Variants in ITGA4 observed in about 807,000 individuals in gnomAD.
ITGA4 encodes the protein integrin subunit alpha 4.
A neutral mutation model predicts 133.6 loss-of-function variants in ITGA4; 63 were observed. The observed-to-expected ratio is 0.47, with a 90% CI of 0.38 to 0.58. ITGA4 has a LOEUF of 0.58. Ranked by LOEUF, ITGA4 falls within the 20% of genes least tolerant of loss-of-function variation. The pLI is 0.00. For synonymous variants in ITGA4, 483 were observed against 438.0 expected (o/e 1.10, Z -1.28); for missense variants, 1,076 against 1,252.7 (o/e 0.86, Z 2.13).
At position 181,525,302 on chromosome 2, in the gene ITGA4, A is replaced by G; in HGVS notation, c.2339+11A>G. The stretch of plus-strand genomic sequence containing the variant: ...GCTGACTGTTCATGGGTAAGTAGAC[A>G]TAAAGGCTTCCTTTCAAATTTAGAG... On this transcript the variant is annotated intron_variant, in intron 21 of 27. Transcript: ENST00000397033. The G allele has an allele frequency of 4.3e-6, 6 of 1,404,706 alleles. No homozygotes were observed. The highest frequency in any genetic ancestry group is 5.0e-6 in the Non-Finnish European group (5 of 995,368). 87.0% of individuals were successfully genotyped at this position (1,404,706 alleles called of 1,614,324 possible). A position where few individuals can be genotyped will look rare whatever the true frequency, so the allele number is the denominator to read the frequency against.
Position 181,475,002 on chromosome 2 carries a change from A to G in ITGA4, c.362A>G (p.Glu121Gly), listed in dbSNP as rs1685641087. ...CCTTGTGGAAAGACTTGTTTGGAAGAGAGAGACAATCAGTGGTTGGGGGTC... is the reference window on the plus strand; with the variant it reads ...CCTTGTGGAAAGACTTGTTTGGAAGGGAGAGACAATCAGTGGTTGGGGGTC... ...GEPCGKTCLE[E>G]RDNQWLGVTL... The change falls in exon 3 of 28, where the codon GAG becomes GGG. Residue 121 changes from glutamate to glycine, a missense_variant. Coordinates refer to ENST00000397033, the MANE Select transcript of ITGA4 (RefSeq NM_000885.6). 3 of 1,614,120 alleles carry G rather than the reference A, an allele frequency of 1.9e-6. No homozygotes were observed. Among genetic ancestry groups the G allele is most frequent in the Non-Finnish European group, 2.5e-6 (3 of 1,179,968 alleles).
Position 181,466,078 on chromosome 2 carries a change from T to TA in ITGA4, c.319+7766dup, listed in dbSNP as rs550621921. ...GGGCACATTTTTCAGCTTTAGTTAT[T>TA]AAAAAGACTTGCGTACGTTTTCTGT... On this transcript the variant is annotated intron_variant, in intron 2 of 27. Coordinates refer to ENST00000397033, the MANE Select transcript of ITGA4 (RefSeq NM_000885.6). Among the ~76,000 whole-genome samples, 289 of 152,234 alleles carry TA rather than the reference T, an allele frequency of 1.9e-3. 3 individuals carry two copies. Among genetic ancestry groups the TA allele is most frequent in the African/African-American group, 6.6e-3 (273 of 41,546 alleles).
Position 181,474,999 on chromosome 2 carries a change from A to AAG in ITGA4, c.367_368dup (p.Asp123GlufsTer21). On this transcript the variant is annotated frameshift_variant, in exon 3 of 28. Coordinates refer to ENST00000397033, the MANE Select transcript of ITGA4 (RefSeq NM_000885.6). LOFTEE classifies it high-confidence loss of function. ...GAACCTTGTGGAAAGACTTGTTTGG[A>AAG]AGAGAGAGACAATCAGTGGTTGGGG... 6.2e-7 allele frequency: 1 copy of AAG among 1,614,042 alleles called. No homozygotes were observed. The highest frequency in any genetic ancestry group is 8.5e-7 in the Non-Finnish European group (1 of 1,179,940).
Position 181,495,418 on chromosome 2 carries a change from T to A in ITGA4, c.1385+2T>A, listed in dbSNP as rs777824542. ...GTCTGATTCTGCTGTCTTGCTAAGG[T>A]AAGACTGATATATTTCACTGCTTAA... On this transcript the variant is annotated splice_donor_variant, in intron 13 of 27. Coordinates refer to ENST00000397033, the MANE Select transcript of ITGA4 (RefSeq NM_000885.6). LOFTEE classifies it high-confidence loss of function. The surrounding 1 kb of genome is among the most constrained non-coding windows in gnomAD (Gnocchi z 4.3). 7 of 1,600,104 alleles carry A rather than the reference T, an allele frequency of 4.4e-6. No individual in the cohort carries two copies. In the South Asian group the frequency reaches 7.7e-5, roughly 18 times the overall value.
At chr2:181,482,198 G>A (rs1685819961) in intron 7 of ITGA4, among the ~76,000 whole-genome samples, 162 bp from the exon 8 acceptor site, 1 of 152,118 alleles carries the variant, frequency 6.6e-6, no homozygotes, top group Non-Finnish European at 1.5e-5. Context: ...TAATGTAACA[G>A]TGGATCCCAA....
chr2:181,525,199 T>TTTCCTCTTCATTTTC lies in ITGA4; in HGVS notation c.2250-3_2250-2insTTCCTCTTCATTTTC. On this transcript the variant is annotated splice_region_variant and splice_polypyrimidine_tract_variant and intron_variant, in intron 20 of 27. Transcript: ENST00000397033. ...TCTAACAGGGTGTTTTCTGTTTGTA[T>TTTCCTCTTCATTTTC]AGTGAAAATGAAGAGGAAATGGACA... The TTTCCTCTTCATTTTC allele has an allele frequency of 6.4e-7, 1 of 1,566,970 alleles. No homozygotes were observed. The highest frequency in any genetic ancestry group is 8.8e-7 in the Non-Finnish European group (1 of 1,138,144).
In ITGA4 at chr2:181,495,512, G is replaced by A. The variant is rs1686139654; in HGVS notation, c.1385+96G>A. The A allele has an allele frequency of 1.1e-6, 1 of 913,862 alleles. No homozygotes were observed. The highest frequency in any genetic ancestry group is 1.6e-5 in the African/African-American group (1 of 60,948). 56.6% of individuals were successfully genotyped at this position (913,862 alleles called of 1,614,324 possible). A position where few individuals can be genotyped will look rare whatever the true frequency, so the allele number is the denominator to read the frequency against. On this transcript the variant is annotated intron_variant, in intron 13 of 27. Coordinates refer to ENST00000397033, the MANE Select transcript of ITGA4 (RefSeq NM_000885.6). The surrounding 1 kb of genome is among the most constrained non-coding windows in gnomAD (Gnocchi z 4.3). ...AAATCAGCAGTGGTAGTGACCTCAT[G>A]ATGCTCTTTTGGTATTCTGAAGCTT...
At chr2:181,476,751 CTG>C (rs1559040704) in intron 4 of ITGA4, among the ~76,000 whole-genome samples, 1 of 152,096 alleles carries the variant, frequency 6.6e-6, no homozygotes, top group African/African-American at 2.4e-5. Flanking sequence ...GATAAAGAAA[CTG>C]TGATACATAC....
At chr2:181,482,754 TG>T (rs1375179971) in intron 9 of ITGA4, 103 bp downstream of exon 9, 1 of 1,087,200 alleles carries the variant, frequency 9.2e-7, no homozygotes, top group Non-Finnish European at 1.4e-6. Flanking sequence ...TTTCTTTTAT[TG>T]ACAAAAGTTA....
chr2:181,493,101 C>A, intron 10 of ITGA4: 1 of 410,054 alleles, frequency 2.4e-6, no homozygotes, highest in Non-Finnish European at 4.3e-6. Flanking sequence ...TGTTACACTG[C>A]CTCTCAGATG....
At chr2:181,478,861 A>C in intron 5 of ITGA4, 37 bp downstream of exon 5, 1 of 1,051,876 alleles carries the variant, frequency 9.5e-7, no homozygotes, top group South Asian at 2.2e-5. Context: ...AAATGTTTAC[A>C]TATAGAATCT....
intron 20 of ITGA4, 31 bp from the exon 21 acceptor site, chr2:181,525,171 A>T: frequency 7.9e-7 from 1 of 1,262,506 alleles, no homozygotes; most frequent in Non-Finnish European, 1.2e-6. Flanking sequence ...CTGCTTGGTG[A>T]ATTCTAACAG....
rs1319211839 is a variant in ITGA4 at position 181,489,887 on chromosome 2, A to G, written c.1154-3438A>G. ...CAAAACTCTTCGGACGCCGAGTTAA[A>G]GAAGGAAGGGGTTTATTTGGTGGGG... On this transcript the variant is annotated intron_variant, in intron 10 of 27. Transcript: ENST00000397033. 4.6e-5 allele frequency among the ~76,000 whole-genome samples: 7 copies of G among 152,284 alleles called. No individual in the cohort carries two copies. In the East Asian group the frequency reaches 1.4e-3, roughly 29 times the overall value.
intron 15 of ITGA4, among the ~76,000 whole-genome samples, chr2:181,506,019 T>TTC (rs1686385195): frequency 6.6e-6 from 1 of 152,082 alleles, no homozygotes; most frequent in African/African-American, 2.4e-5. Context: ...CGGTCAAAGT[T>TTC]TCATGTTGAG....
At chr2:181,461,805 A>G (rs1254181830) in intron 2 of ITGA4, among the ~76,000 whole-genome samples, 4 of 152,202 alleles carry the variant, frequency 2.6e-5, no homozygotes, top group Admixed American at 2.6e-4. Context: ...TACACTATCC[A>G]GTATAGTATC....
Position 181,523,247 on chromosome 2 carries a change from CATAT to C in ITGA4, c.2074-186_2074-183del, listed in dbSNP as rs533093060. The C allele has an allele frequency of 4.3e-5, 21 of 483,550 alleles. No homozygotes were observed. The highest frequency in any genetic ancestry group is 7.8e-5 in the African/African-American group (4 of 51,164). The allele number at this position is 483,550 out of a possible 1,614,324, so 30.0% of individuals were successfully genotyped here. ...ATATACATACATATATATACACATA[CATAT>C]ATACACACATGCACACATATTTATA... On this transcript the variant is annotated intron_variant, in intron 18 of 27. Coordinates refer to ENST00000397033, the MANE Select transcript of ITGA4 (RefSeq NM_000885.6). This position sits in a 1 kb window ranked among gnomAD's most constrained non-coding sequence, Gnocchi z 4.2.
intron 25 of ITGA4, 32 bp from the exon 26 acceptor site, chr2:181,534,240 C>G (rs1342271684): frequency 7.9e-7 from 1 of 1,263,974 alleles, no homozygotes; most frequent in South Asian, 1.2e-5. Flanking sequence ...TGAAATAAAC[C>G]AGGCTATGGT....
At chr2:181,522,379 G>A (rs200411306) in intron 18 of ITGA4, 38 bp downstream of exon 18, 3 of 1,411,782 alleles carry the variant, frequency 2.1e-6, no homozygotes, top group South Asian at 1.4e-5. Flanking sequence ...ATACTACTTG[G>A]TATTTTACTT....
intron 9 of ITGA4, among the ~76,000 whole-genome samples, chr2:181,485,221 G>A (rs779968879): frequency 3.9e-5 from 6 of 152,016 alleles, no homozygotes; most frequent in African/African-American, 1.4e-4. Context: ...CAATCAAGAC[G>A]CTACACTATA....
Sources: gnomAD v4.1 joint callset for allele counts (sites outside exome capture counted in the v4.1 genomes callset) on GRCh38, gnomAD v4.1.1 for gene constraint, Gnocchi (gnomAD v3.1) non-coding constraint, MANE v1.5 for transcripts, NCBI Gene and HGNC (gene_info 2026-07-23, HGNC 2026-07-21) for gene names.